The following ACOT11 variants were observed in gnomAD, a reference collection of about 807,000 sequenced individuals.
ACOT11 encodes the protein acyl-coenzyme A thioesterase 11.
A neutral mutation model predicts 77.5 loss-of-function variants in ACOT11; 69 were observed. That is an observed-to-expected ratio of 0.89 (90% confidence interval 0.73 to 1.09). ACOT11 has a LOEUF of 1.09. Ranked by LOEUF, ACOT11 falls within the 50% of genes least tolerant of loss-of-function variation. The probability of loss-of-function intolerance (pLI) is 0.00; values close to 1 mark genes in which losing one functional copy is unlikely to be tolerated. For missense variants in ACOT11, 766 were observed against 813.7 expected, an observed-to-expected ratio of 0.94 and a Z score of 0.71; for synonymous variants, 279 against 313.0, an observed-to-expected ratio of 0.89 and a Z score of 1.15.
At chr1:54,593,125 C>T (rs76738795) in intron 4 of ACOT11, among the ~76,000 whole-genome samples, 6,710 of 152,238 alleles carry the variant, frequency 0.044, 279 homozygotes, top group East Asian at 0.18. Flanking sequence ...GCTCTATTTC[C>T]CACCTATGGA....
intron 1 of ACOT11, among the ~76,000 whole-genome samples, chr1:54,556,840 C>T (rs1255754752): frequency 6.6e-6 from 1 of 152,114 alleles, no homozygotes; most frequent in Admixed American, 6.5e-5. Context: ...ACCTTGGCCT[C>T]CCAAAATGCT....
At chr1:54,606,185 C>A (rs1336117946) in intron 13 of ACOT11, among the ~76,000 whole-genome samples, 1 of 152,182 alleles carries the variant, frequency 6.6e-6, no homozygotes, top group Non-Finnish European at 1.5e-5. Flanking sequence ...TTGTCCCCTT[C>A]CAGAAGGCAG....
At chr1:54,624,856 G>A (rs1334820287) in intron 15 of ACOT11, among the ~76,000 whole-genome samples, 4 of 152,050 alleles carry the variant, frequency 2.6e-5, no homozygotes, top group African/African-American at 9.7e-5. Context: ...AGTGAGGATG[G>A]GAGCAGGAGG....
At chr1:54,576,567 T>A (rs986321318) in intron 1 of ACOT11, among the ~76,000 whole-genome samples, 2 of 150,986 alleles carry the variant, frequency 1.3e-5, no homozygotes, top group Non-Finnish European at 2.9e-5. Flanking sequence ...GTTTTTTTAA[T>A]GTTAAAGATG....
intron 9 of ACOT11, 43 bp downstream of exon 9, chr1:54,601,456 C>T (rs374717537): frequency 6.3e-7 from 1 of 1,595,532 alleles, no homozygotes; most frequent in Non-Finnish European, 8.5e-7. Flanking sequence ...GCTCCCCTCC[C>T]CTCCCTCTCT....
intron 3 of ACOT11, among the ~76,000 whole-genome samples, chr1:54,591,187 C>T (rs916106059): frequency 7.2e-5 from 11 of 152,190 alleles, no homozygotes; most frequent in Non-Finnish European, 1.0e-4. Flanking sequence ...AAAAAATGAA[C>T]AGGAATCAAC....
At chr1:54,591,712 A>G (rs1654720227) in intron 3 of ACOT11, among the ~76,000 whole-genome samples, 1 of 152,180 alleles carries the variant, frequency 6.6e-6, no homozygotes, top group Non-Finnish European at 1.5e-5. Context: ...GGGGATTCAT[A>G]TGGATGTGGG....
rs185263662 is a variant in ACOT11 at position 54,597,064 on chromosome 1, T to G, written c.608-195T>G. On this transcript the variant is annotated intron_variant, in intron 6 of 15. Transcript: ENST00000343744. ...TGCTGTCTTGTCTCAGAGCTGGTGCTGCATCCACTGCACTGGACAGGCTCA... is the reference window on the plus strand; with the variant it reads ...TGCTGTCTTGTCTCAGAGCTGGTGCGGCATCCACTGCACTGGACAGGCTCA... Among the ~76,000 whole-genome samples the G allele has an allele frequency of 2.0e-3, 303 of 152,362 alleles. 1 individual carries two copies. The highest frequency in any genetic ancestry group is 5.6e-3 in the South Asian group (27 of 4,830).
chr1:54,630,718 C>G (rs1644294693), intron 15 of ACOT11: 1 of 690,856 alleles, frequency 1.4e-6, no homozygotes, highest in South Asian at 1.6e-5. Flanking sequence ...CTCTGTGTGT[C>G]TTTTAATTCC....
chr1:54,606,224 A>C (rs1033719440), intron 13 of ACOT11, among the ~76,000 whole-genome samples: 2 of 152,008 alleles, frequency 1.3e-5, no homozygotes, highest in African/African-American at 2.4e-5. Flanking sequence ...GATGTCGTGT[A>C]GGGGGAGGGC....
chr1:54,603,894 A>T lies in ACOT11; in HGVS notation c.1109A>T (p.Gln370Leu), dbSNP rs1330064458. ...AGGAAGTACATCGTGTCCTGTAAGC[A>T]GACAGAGGTGCCCCTCTCCGTCCCC... Reference protein sequence around the residue: ...LDRKYIVSCKQTEVPLSVPWD... With the variant: ...LDRKYIVSCKLTEVPLSVPWD... The change falls in exon 11 of 16, where the codon CAG (glutamine) becomes CTG (leucine). Residue 370 changes from glutamine to leucine, a missense_variant. Gln to Leu is a moderately radical substitution (Grantham distance 113). Coordinates refer to ENST00000343744, the MANE Select transcript of ACOT11 (RefSeq NM_147161.4). The T allele has an allele frequency of 1.2e-6, 2 of 1,614,150 alleles. No homozygotes were observed. Among genetic ancestry groups the T allele is most frequent in the South Asian group, 2.2e-5 (2 of 91,086 alleles).
chr1:54,625,174 G>GTGTACTGGAAAGTGCACTTGGACGAACCA (rs1463032463), intron 15 of ACOT11, among the ~76,000 whole-genome samples: 1 of 151,508 alleles, frequency 6.6e-6, no homozygotes, highest in Admixed American at 6.6e-5. Context: ...CTGGAGCCCA[G>GTGTACTGGAAAGTGCACTTGGACGAACCA]GCTCAATTCT....
chr1:54,553,391 C>T (rs1360954818), intron 1 of ACOT11, among the ~76,000 whole-genome samples: 1 of 151,302 alleles, frequency 6.6e-6, no homozygotes, highest in Non-Finnish European at 1.5e-5. Flanking sequence ...CCAGTTGAAC[C>T]TGGGAGGTGG....
intron 15 of ACOT11, chr1:54,619,796 T>C (rs1166507959): frequency 7.8e-6 from 12 of 1,533,826 alleles, no homozygotes; most frequent in Non-Finnish European, 1.1e-5. Flanking sequence ...TGTCTGATCC[T>C]CACTTCTCTC....
downstream of ACOT11, among the ~76,000 whole-genome samples, chr1:54,613,378 CA>C (rs544534443): frequency 0.012 from 1,722 of 142,642 alleles, 24 homozygotes; most frequent in Non-Finnish European, 0.018. Context: ...GACTCCATCT[CA>C]AAAAAAAAAA....
intron 15 of ACOT11, among the ~76,000 whole-genome samples, chr1:54,617,864 C>T (rs1644190105): frequency 6.6e-6 from 1 of 151,742 alleles, no homozygotes; most frequent in South Asian, 2.1e-4. Context: ...GCTGGGACTA[C>T]AGGTATGCAC....
At chr1:54,552,849 C>T (rs748744097) in intron 1 of ACOT11, among the ~76,000 whole-genome samples, 156 of 132,044 alleles carry the variant, frequency 1.2e-3, no homozygotes, top group Admixed American at 4.2e-3. Context: ...TTTTTTGAGA[C>T]GGAGTTTCGC....
intron 1 of ACOT11, among the ~76,000 whole-genome samples, chr1:54,583,428 G>A (rs1654389906): frequency 1.3e-5 from 2 of 152,288 alleles, no homozygotes; most frequent in South Asian, 2.1e-4. Context: ...TACACCAGGT[G>A]CAAGAGCTAC....
At chr1:54,608,244 A>ATTTT (rs1249351095) in intron 15 of ACOT11, among the ~76,000 whole-genome samples, 176 bp downstream of exon 15, 2 of 152,128 alleles carry the variant, frequency 1.3e-5, no homozygotes, top group Non-Finnish European at 2.9e-5. Flanking sequence ...TAATCTGTGT[A>ATTTT]CAGGTAAGTC....
Sources: gnomAD v4.1 joint callset for allele counts (sites outside exome capture counted in the v4.1 genomes callset) on GRCh38, gnomAD v4.1.1 for gene constraint, MANE v1.5 for transcripts, NCBI Gene and HGNC (gene_info 2026-07-23, HGNC 2026-07-21) for gene names.